Variants in ZNF277 observed in about 807,000 individuals in gnomAD.
ZNF277 encodes the protein nuclear receptor-interacting factor 4.
ZNF277 carries 55 observed loss-of-function variants against 60.7 expected under a neutral mutation model. The ratio of observed to expected loss-of-function variants is 0.91; its 90% CI spans 0.73 to 1.13. ZNF277 has a LOEUF of 1.13. ZNF277 is among the 50% of genes most tolerant of loss of function. The pLI, the probability that ZNF277 is intolerant of heterozygous loss-of-function variation, is 0.00. For synonymous variants in ZNF277, 178 were observed against 179.3 expected (o/e 0.99, Z 0.06); for missense variants, 510 against 523.0 (o/e 0.98, Z 0.24).
At chr7:112,226,078 G>C (rs945324296) in intron 1 of ZNF277, among the ~76,000 whole-genome samples, 9 of 152,076 alleles carry the variant, frequency 5.9e-5, no homozygotes, top group Admixed American at 6.6e-5. Flanking sequence ...TGGGTTTCTA[G>C]TGTTCCATGG....
chr7:112,217,676 C>T (rs908853151), intron 1 of ZNF277, among the ~76,000 whole-genome samples: 15 of 152,156 alleles, frequency 9.9e-5, no homozygotes, highest in South Asian at 4.1e-4. Context: ...CCGCTTCTTG[C>T]CTGGCGAGTA....
rs182046269 is a variant in ZNF277, at chr7:112,318,095, C to A, written c.466-87C>A. ...TTATATACTCCCTTTATGCTTCCAG[C>A]CCAGTTTCCTCCCATCCAGACTTTG... On this transcript the variant is annotated intron_variant, in intron 4 of 11. Transcript: ENST00000361822. 1,581 of 1,072,398 alleles carry A rather than the reference C, an allele frequency of 1.5e-3. 6 individuals are homozygous for A. The highest frequency in any genetic ancestry group is 1.9e-3 in the Non-Finnish European group (1,351 of 706,288). 66.4% of individuals were successfully genotyped at this position (1,072,398 alleles called of 1,614,324 possible). A position where few individuals can be genotyped will look rare whatever the true frequency, so the allele number is the denominator to read the frequency against.
chr7:112,257,278 G>T (rs922741991), intron 1 of ZNF277, among the ~76,000 whole-genome samples: 2 of 152,166 alleles, frequency 1.3e-5, no homozygotes, highest in Non-Finnish European at 2.9e-5. Context: ...TTTACTTTGT[G>T]CAGGACACTG....
chr7:112,214,774 A>G (rs1821838628), intron 1 of ZNF277, among the ~76,000 whole-genome samples: 1 of 152,218 alleles, frequency 6.6e-6, no homozygotes, highest in Admixed American at 6.5e-5. Flanking sequence ...GTGGGATAGT[A>G]TTAAGCTTTC....
intron 1 of ZNF277, among the ~76,000 whole-genome samples, chr7:112,252,002 GC>G (rs1392346492): frequency 6.6e-6 from 1 of 152,176 alleles, no homozygotes; most frequent in Non-Finnish European, 1.5e-5. Flanking sequence ...TTTCAGGAAT[GC>G]CACTTCAATT....
chr7:112,246,119 C>T (rs183442901), intron 1 of ZNF277, among the ~76,000 whole-genome samples: 9 of 152,218 alleles, frequency 5.9e-5, no homozygotes, highest in Admixed American at 5.2e-4. Context: ...TACAGTGGCT[C>T]ATACCTGTAA....
chr7:112,252,879 T>A (rs549120619), intron 1 of ZNF277, among the ~76,000 whole-genome samples: 128 of 152,248 alleles, frequency 8.4e-4, no homozygotes, highest in Non-Finnish European at 7.6e-4. Context: ...CAAAGAGTAT[T>A]CCCTAAGAAC....
chr7:112,317,093 T>A (rs559263875), intron 4 of ZNF277, among the ~76,000 whole-genome samples: 2 of 151,488 alleles, frequency 1.3e-5, no homozygotes, highest in African/African-American at 4.9e-5. Context: ...TAAGTAAGAG[T>A]TGAACAATGA....
At chr7:112,277,666 A>G (rs1256284460) in intron 1 of ZNF277, among the ~76,000 whole-genome samples, 2 of 152,210 alleles carry the variant, frequency 1.3e-5, no homozygotes, top group Non-Finnish European at 2.9e-5. Context: ...CATGTGCCTA[A>G]TAGCTACCAT....
At chr7:112,274,343 G>A (rs568666701) in intron 1 of ZNF277, among the ~76,000 whole-genome samples, 17 of 151,956 alleles carry the variant, frequency 1.1e-4, no homozygotes, top group Admixed American at 9.8e-4. Context: ...TTTTTGTAAA[G>A]ACTGAGTCTT....
At chr7:112,306,307 C>T (rs945011673) in intron 4 of ZNF277, among the ~76,000 whole-genome samples, 5 of 151,054 alleles carry the variant, frequency 3.3e-5, no homozygotes, top group South Asian at 2.1e-4. Flanking sequence ...CTCCGCCTTC[C>T]GAATTCAAGT....
At chr7:112,289,471 C>T (rs1792154469) in intron 2 of ZNF277, among the ~76,000 whole-genome samples, 1 of 152,212 alleles carries the variant, frequency 6.6e-6, no homozygotes, top group Non-Finnish European at 1.5e-5. Flanking sequence ...AACTAATTCC[C>T]TACATGCTCT....
intron 1 of ZNF277, among the ~76,000 whole-genome samples, chr7:112,273,792 AT>A (rs923943950): frequency 6.6e-6 from 1 of 151,782 alleles, no homozygotes; most frequent in Non-Finnish European, 1.5e-5. Flanking sequence ...AGGTAGCTCT[AT>A]TTTTTTTCTT....
intron 4 of ZNF277, among the ~76,000 whole-genome samples, chr7:112,307,580 A>C (rs1199529871): frequency 2.0e-5 from 3 of 151,538 alleles, no homozygotes; most frequent in Non-Finnish European, 4.4e-5. Flanking sequence ...ATGCCTGGCT[A>C]ATTTTTTTGT....
At chr7:112,230,419 C>T (rs886669892) in intron 1 of ZNF277, among the ~76,000 whole-genome samples, 26 of 152,138 alleles carry the variant, frequency 1.7e-4, no homozygotes, top group African/African-American at 6.0e-4. Context: ...AGGAAAAAGC[C>T]CAAAATGAAA....
At chr7:112,316,252 G>A (rs1051726475) in intron 4 of ZNF277, among the ~76,000 whole-genome samples, 1 of 151,992 alleles carries the variant, frequency 6.6e-6, no homozygotes, top group Admixed American at 6.6e-5. Flanking sequence ...TATTAATGGG[G>A]AACACTGGAA....
chr7:112,330,364 G>T, intron 7 of ZNF277, 148 bp downstream of exon 7: 2 of 718,136 alleles, frequency 2.8e-6, no homozygotes, highest in South Asian at 3.6e-5. Context: ...GCTTTGAAAT[G>T]GTTAGAGTAC....
chr7:112,278,039 G>A (rs191782217), intron 1 of ZNF277, among the ~76,000 whole-genome samples: 1 of 151,974 alleles, frequency 6.6e-6, no homozygotes, highest in Admixed American at 6.6e-5. Flanking sequence ...TTTAACCTTT[G>A]TCTTCAATAT....
At chr7:112,212,796 T>G (rs1000059072) in intron 1 of ZNF277, among the ~76,000 whole-genome samples, 1 of 152,208 alleles carries the variant, frequency 6.6e-6, no homozygotes, top group African/African-American at 2.4e-5. Context: ...CTATGTGCTC[T>G]GCAAGCCTTT....
Sources: gnomAD v4.1 joint callset for allele counts (sites outside exome capture counted in the v4.1 genomes callset) on GRCh38, gnomAD v4.1.1 for gene constraint, MANE v1.5 for transcripts, NCBI Gene and HGNC (gene_info 2026-07-23, HGNC 2026-07-21) for gene names.